Variants in CADM2 observed in about 807,000 individuals in gnomAD.
CADM2 encodes the protein immunoglobulin superfamily member 4D.
A neutral mutation model predicts 49.8 loss-of-function variants in CADM2; 12 were observed. That is an observed-to-expected ratio of 0.24 (90% CI 0.15 to 0.39). The LOEUF is 0.39. CADM2 is among the 10% of genes least tolerant of loss of function. The pLI is 1.00. For missense variants in CADM2, 378 were observed against 492.3 expected (o/e 0.77, Z 2.20); for synonymous variants, 214 against 175.4 (o/e 1.22, Z -1.74).
intron 3 of CADM2, among the ~76,000 whole-genome samples, chr3:85,806,461 T>G (rs552370360): frequency 6.6e-6 from 1 of 152,128 alleles, no homozygotes; most frequent in Non-Finnish European, 1.5e-5. Flanking sequence ...AGCCCACATG[T>G]CATGTTAGAG....
intron 1 of CADM2, among the ~76,000 whole-genome samples, chr3:85,405,954 A>T (rs111955631): frequency 2.6e-4 from 39 of 152,054 alleles, no homozygotes; most frequent in African/African-American, 9.1e-4. Context: ...AAGTAAATAA[A>T]AGTAGACATA....
chr3:85,801,102 C>T (rs912698617), intron 2 of CADM2, among the ~76,000 whole-genome samples: 2 of 152,152 alleles, frequency 1.3e-5, no homozygotes, highest in African/African-American at 2.4e-5. Flanking sequence ...CCATGTTAAT[C>T]ATGGTTATCA....
At chr3:85,639,389 C>T (rs534125444) in intron 1 of CADM2, among the ~76,000 whole-genome samples, 1 of 152,232 alleles carries the variant, frequency 6.6e-6, no homozygotes, top group Non-Finnish European at 1.5e-5. Context: ...CATCTGACAT[C>T]GGGCATGAAA....
At chr3:85,676,654 A>G (rs1268216286) in intron 1 of CADM2, among the ~76,000 whole-genome samples, 1 of 152,082 alleles carries the variant, frequency 6.6e-6, no homozygotes, top group Non-Finnish European at 1.5e-5. Context: ...TTGCTTTTTC[A>G]TAGATTTCAT....
At chr3:85,641,917 C>T (rs1422888700) in intron 1 of CADM2, among the ~76,000 whole-genome samples, 6 of 151,676 alleles carry the variant, frequency 4.0e-5, no homozygotes, top group Middle Eastern at 3.2e-3. Context: ...GGCAACAGAG[C>T]GAGACTCCGT....
chr3:86,012,575 C>T (rs562096025), intron 8 of CADM2: 13 of 1,549,702 alleles, frequency 8.4e-6, no homozygotes, highest in Non-Finnish European at 1.0e-5. Context: ...CGAACTTCTG[C>T]GCTGCCCCCA....
intron 1 of CADM2, among the ~76,000 whole-genome samples, chr3:85,149,987 G>C (rs146129143): frequency 1.8e-3 from 278 of 152,284 alleles, no homozygotes; most frequent in South Asian, 0.017. Context: ...CTAGAAAGAA[G>C]CTACATGGTC....
chr3:85,391,324 CAT>C (rs1045994845), intron 1 of CADM2, among the ~76,000 whole-genome samples: 4 of 151,838 alleles, frequency 2.6e-5, no homozygotes, highest in African/African-American at 7.3e-5. Context: ...AAAAAGAGGA[CAT>C]AGAAGAATGC....
chr3:85,978,196 A>G (rs1001515010), intron 8 of CADM2, among the ~76,000 whole-genome samples: 1 of 151,556 alleles, frequency 6.6e-6, no homozygotes. Context: ...ATCTCACTGA[A>G]GTTCTCATAG....
At chr3:85,397,243 A>G (rs1399708202) in intron 1 of CADM2, among the ~76,000 whole-genome samples, 1 of 152,172 alleles carries the variant, frequency 6.6e-6, no homozygotes, top group Non-Finnish European at 1.5e-5. Context: ...ATTATATAAA[A>G]GGAAATAGAA....
intron 1 of CADM2, among the ~76,000 whole-genome samples, chr3:85,571,324 C>T (rs982346405): frequency 1.3e-5 from 2 of 151,674 alleles, no homozygotes; most frequent in African/African-American, 4.9e-5. Context: ...GCTTTTTTTC[C>T]AGTTGATTTA....
chr3:85,846,644 A>G (rs555048179), intron 3 of CADM2, among the ~76,000 whole-genome samples: 51 of 152,298 alleles, frequency 3.3e-4, no homozygotes, highest in Non-Finnish European at 4.9e-4. Context: ...AGGCAGGACA[A>G]TCGCATGTAG....
intron 8 of CADM2, chr3:86,013,641 G>C: frequency 1.2e-6 from 2 of 1,602,620 alleles, no homozygotes; most frequent in South Asian, 1.1e-5. Flanking sequence ...TGACGATGTA[G>C]TGGACATAGC....
chr3:85,521,238 G>A (rs1035406208), intron 1 of CADM2, among the ~76,000 whole-genome samples: 4 of 152,062 alleles, frequency 2.6e-5, no homozygotes, highest in Non-Finnish European at 5.9e-5. Flanking sequence ...AGCTTTGGAT[G>A]TGCCACAGTA....
intron 1 of CADM2, among the ~76,000 whole-genome samples, chr3:85,085,000 G>T (rs1311964328): frequency 2.6e-5 from 4 of 151,996 alleles, no homozygotes; most frequent in Non-Finnish European, 5.9e-5. Context: ...TTTGATATAT[G>T]TTTACCTCAT....
In CADM2 at chr3:85,062,088, G is replaced by GCA. The variant is rs750878271; in HGVS notation, c.61+102435_61+102436dup. 2.1e-3 allele frequency among the ~76,000 whole-genome samples: 302 copies of GCA among 145,388 alleles called. 5 individuals are homozygous for GCA. The East Asian group carries it at 0.05, about 24-fold the overall frequency. Reference sequence around the variant, plus strand: ...CTCTCTCTCACTCATACACACACACGCACACACACACACACAAACACACAC... The same window carrying GCA: ...CTCTCTCTCACTCATACACACACACGCACACACACACACACACAAACACACAC... On this transcript the variant is annotated intron_variant, in intron 1 of 9. Coordinates refer to ENST00000383699, the MANE Select transcript of CADM2 (RefSeq NM_001167675.2).
At chr3:85,614,441 A>C (rs2063749892) in intron 1 of CADM2, among the ~76,000 whole-genome samples, 1 of 151,844 alleles carries the variant, frequency 6.6e-6, no homozygotes. Flanking sequence ...ATGATGTTTC[A>C]GTTTAAAAAT....
chr3:86,011,640 T>C (rs1205408700), intron 8 of CADM2, among the ~76,000 whole-genome samples: 3 of 152,090 alleles, frequency 2.0e-5, no homozygotes, highest in African/African-American at 7.2e-5. Flanking sequence ...TCCTAAATTT[T>C]AGAAGTCCTT....
At chr3:85,204,703 A>G (rs1463771415) in intron 1 of CADM2, among the ~76,000 whole-genome samples, 2 of 152,174 alleles carry the variant, frequency 1.3e-5, no homozygotes, top group Non-Finnish European at 2.9e-5. Flanking sequence ...CTAGTTAAAT[A>G]CCTGTGTTCT....
Sources: allele counts gnomAD v4.1 joint callset (sites outside exome capture counted in the v4.1 genomes callset), GRCh38; gene constraint gnomAD v4.1.1; transcripts MANE v1.5; gene names NCBI Gene and HGNC (gene_info 2026-07-23, HGNC 2026-07-21).